Variants in GNG7 observed in about 807,000 individuals in gnomAD.
The protein encoded by GNG7 is G protein subunit gamma 7, also known as guanine nucleotide-binding protein G(I)/G(S)/G(O) subunit gamma-7.
In GNG7, 1 loss-of-function variant was observed where a neutral mutation model predicts 4.0. The observed-to-expected ratio is 0.25, with a 90% CI of 0.09 to 1.18. The LOEUF (loss-of-function observed/expected upper bound fraction) is 1.18, where lower values mean the gene tolerates loss of function less well. GNG7 is among the 50% of genes most tolerant of loss of function. GNG7 has a pLI of 0.50. For synonymous variants in GNG7, 34 were observed against 36.9 expected, an observed-to-expected ratio of 0.92 and a Z score of 0.29; for missense variants, 86 against 91.9, an observed-to-expected ratio of 0.94 and a Z score of 0.26.
intron 3 of GNG7, among the ~76,000 whole-genome samples, chr19:2,548,102 G>A (rs894259400): frequency 3.9e-5 from 6 of 151,978 alleles, no homozygotes; most frequent in African/African-American, 1.2e-4. Flanking sequence ...AGAAAGTCCC[G>A]GAAAACTACA....
At chr19:2,542,191 C>T (rs1028215563) in intron 3 of GNG7, among the ~76,000 whole-genome samples, 4 of 148,126 alleles carry the variant, frequency 2.7e-5, no homozygotes, top group South Asian at 4.3e-4. Flanking sequence ...CTCGGCTCAC[C>T]GCAACCTCCG....
Position 2,623,782 on chromosome 19 carries a change from G to A in GNG7, c.-78+22442C>T, listed in dbSNP as rs182310826. ...TGTAATTCCAGCTACTCAGGAGGCT[G>A]AAGCAGGAGAATTGCTTGAATCTGG... On this transcript the variant is annotated intron_variant, in intron 2 of 4. Coordinates refer to ENST00000382159, the MANE Select transcript of GNG7 (RefSeq NM_052847.3). Among the ~76,000 whole-genome samples, 1,153 of 152,292 alleles carry A rather than the reference G, an allele frequency of 7.6e-3. 15 individuals are homozygous for A. Among genetic ancestry groups the A allele is most frequent in the African/African-American group, 0.026 (1,082 of 41,546 alleles).
At chr19:2,580,538 G>C (rs1326220007) in intron 2 of GNG7, among the ~76,000 whole-genome samples, 1 of 151,974 alleles carries the variant, frequency 6.6e-6, no homozygotes, top group Non-Finnish European at 1.5e-5. Flanking sequence ...GGATCCACCT[G>C]CCTTGACCTC....
At chr19:2,636,124 C>T (rs375425615) in intron 2 of GNG7, among the ~76,000 whole-genome samples, 3 of 152,230 alleles carry the variant, frequency 2.0e-5, no homozygotes, top group African/African-American at 4.8e-5. Context: ...CTGCTCACAC[C>T]GGACACCAGA....
At chr19:2,635,343 G>C (rs1378828562) in intron 2 of GNG7, among the ~76,000 whole-genome samples, 4 of 152,278 alleles carry the variant, frequency 2.6e-5, no homozygotes, top group African/African-American at 9.6e-5. Flanking sequence ...GAATGTGAGA[G>C]ACCCTGCCTT....
At position 2,513,422 on chromosome 19, in the gene GNG7, T is replaced by A; in HGVS notation, c.*1600A>T. ...GGCTGCGTGGGGTCCATCTCAGGTG[T>A]GGCCGCAGGTGATGCCGGCAGGCCC... On this transcript the variant is annotated 3_prime_UTR_variant, in exon 5 of 5. Transcript: ENST00000382159. 1 of 821,480 alleles carries A rather than the reference T, an allele frequency of 1.2e-6. No individual in the cohort carries two copies. The highest frequency in any genetic ancestry group is 1.5e-6 in the Non-Finnish European group (1 of 680,378). 50.9% of individuals were successfully genotyped at this position (821,480 alleles called of 1,614,324 possible).
chr19:2,619,241 C>T (rs529296157), intron 2 of GNG7, among the ~76,000 whole-genome samples: 11 of 152,304 alleles, frequency 7.2e-5, no homozygotes, highest in East Asian at 3.9e-4. Flanking sequence ...TAGCTAACTA[C>T]GGCCCCTGGA....
intron 2 of GNG7, among the ~76,000 whole-genome samples, chr19:2,563,269 C>T (rs1979802448): frequency 6.6e-6 from 1 of 151,800 alleles, no homozygotes. Context: ...AAATAATGAA[C>T]ACAGGTCTCT....
Position 2,653,642 on chromosome 19 carries a change from C to A in GNG7, c.-134-7362G>T, listed in dbSNP as rs377141674. Among the ~76,000 whole-genome samples the A allele has an allele frequency of 1.3e-5, 2 of 152,154 alleles. No homozygotes were observed. Among genetic ancestry groups the A allele is most frequent in the African/African-American group, 4.8e-5 (2 of 41,430 alleles). On this transcript the variant is annotated intron_variant, in intron 1 of 4. Transcript: ENST00000382159. The surrounding 1 kb of genome is among the most constrained non-coding windows in gnomAD (Gnocchi z 4.8). ...TGGGGTGGGGCTGTCCTGGGCACTG[C>A]GGGGAGCTGAGCAGCGTCCCTGGCC...
chr19:2,559,169 T>C (rs555602490), intron 2 of GNG7, among the ~76,000 whole-genome samples: 1 of 151,968 alleles, frequency 6.6e-6, no homozygotes, highest in Non-Finnish European at 1.5e-5. Flanking sequence ...TACATATACA[T>C]ATATATCCAC....
intron 1 of GNG7, among the ~76,000 whole-genome samples, chr19:2,658,256 A>T (rs954461474): frequency 6.6e-6 from 1 of 152,180 alleles, no homozygotes; most frequent in South Asian, 2.1e-4. Flanking sequence ...AGTATCTTAC[A>T]TCTGGGGTCT....
intron 2 of GNG7, among the ~76,000 whole-genome samples, chr19:2,571,754 C>T (rs1980155707): frequency 6.6e-6 from 1 of 151,816 alleles, no homozygotes; most frequent in Non-Finnish European, 1.5e-5. Flanking sequence ...TGCCACCACG[C>T]CTGGCTAATT....
chr19:2,600,076 T>G (rs1210976477), intron 2 of GNG7, among the ~76,000 whole-genome samples: 1 of 150,492 alleles, frequency 6.6e-6, no homozygotes, highest in African/African-American at 2.4e-5. Flanking sequence ...TAAATATATA[T>G]AAATATGATG....
intron 2 of GNG7, among the ~76,000 whole-genome samples, chr19:2,631,429 A>T (rs544947288): frequency 6.6e-6 from 1 of 152,322 alleles, no homozygotes; most frequent in African/African-American, 2.4e-5. Flanking sequence ...GGGTCAGCAA[A>T]CCTTTTCTGC....
intron 4 of GNG7, among the ~76,000 whole-genome samples, chr19:2,517,804 G>C (rs975666599): frequency 2.0e-5 from 3 of 152,168 alleles, no homozygotes; most frequent in Non-Finnish European, 4.4e-5. Context: ...GAGCCGCCTC[G>C]CCTGGCCAGT....
At chr19:2,601,071 G>A (rs1372006434) in intron 2 of GNG7, among the ~76,000 whole-genome samples, 2 of 151,836 alleles carry the variant, frequency 1.3e-5, no homozygotes, top group Non-Finnish European at 2.9e-5. Flanking sequence ...GGAGTTTGAG[G>A]CTGCAGTGAG....
chr19:2,566,314 C>T lies in GNG7; in HGVS notation c.-77-11126G>A, dbSNP rs775589946. ...CAAGCCAGGGAAGGCCAAGGATCTC[C>T]GGCCATCACCAGGAGCTGGGAGTGG... On this transcript the variant is annotated intron_variant, in intron 2 of 4. Coordinates refer to ENST00000382159, the MANE Select transcript of GNG7 (RefSeq NM_052847.3). Among the ~76,000 whole-genome samples, 9 of 152,126 alleles carry T rather than the reference C, an allele frequency of 5.9e-5. No individual in the cohort carries two copies. The East Asian group carries it at 9.6e-4, about 16-fold the overall frequency.
intron 2 of GNG7, among the ~76,000 whole-genome samples, chr19:2,635,671 C>T (rs1399687925): frequency 6.6e-6 from 1 of 151,786 alleles, no homozygotes; most frequent in Admixed American, 6.6e-5. Flanking sequence ...CAACCTCTGC[C>T]TCCCAGGTTC....
intron 2 of GNG7, among the ~76,000 whole-genome samples, chr19:2,575,504 CACA>C (rs1980281001): frequency 6.6e-6 from 1 of 151,078 alleles, no homozygotes; most frequent in African/African-American, 2.4e-5. Flanking sequence ...CGCAGGCACA[CACA>C]GACATGCAGA....
Sources: allele counts gnomAD v4.1 joint callset (sites outside exome capture counted in the v4.1 genomes callset), GRCh38; gene constraint gnomAD v4.1.1; non-coding constraint Gnocchi (gnomAD v3.1); transcripts MANE v1.5; gene names NCBI Gene and HGNC (gene_info 2026-07-23, HGNC 2026-07-21).